Variants in IKBKE observed in about 807,000 individuals in gnomAD.
The protein encoded by IKBKE is inhibitor of nuclear factor kappa-B kinase subunit epsilon.
A neutral mutation model predicts 92.1 loss-of-function variants in IKBKE; 45 were observed. That is an observed-to-expected ratio of 0.49 (90% CI 0.38 to 0.63). The LOEUF is 0.63. IKBKE is among the 20% of genes least tolerant of loss of function. The pLI, the probability that IKBKE is intolerant of heterozygous loss-of-function variation, is 0.00. For synonymous variants in IKBKE, 374 were observed against 380.3 expected, an observed-to-expected ratio of 0.98 and a Z score of 0.19; for missense variants, 700 against 932.8, an observed-to-expected ratio of 0.75 and a Z score of 3.25.
rs1553388340 is a variant in IKBKE, at chr1:206,485,312, T to C, written c.1616+6T>C. The stretch of plus-strand genomic sequence containing the variant: ...CAGGTACATGAGGACAGAAGGTCTG[T>C]GGGATTTTCCTTCTTTGTGGGGTGG... On this transcript the variant is annotated splice_donor_region_variant and intron_variant, in intron 15 of 21. Transcript: ENST00000581977. The surrounding 1 kb of genome is among the most constrained non-coding windows in gnomAD (Gnocchi z 5.0). 3.8e-6 allele frequency: 6 copies of C among 1,582,742 alleles called. No homozygotes were observed. The highest frequency in any genetic ancestry group is 5.2e-6 in the Non-Finnish European group (6 of 1,151,462).
chr1:206,476,914 T>G lies in IKBKE; in HGVS notation c.701+76T>G. On this transcript the variant is annotated intron_variant, in intron 7 of 21. Transcript: ENST00000581977. The surrounding 1 kb of genome is among the most constrained non-coding windows in gnomAD (Gnocchi z 5.1). ...CCTTCCCCCACCGGTCCTTGCTGTG[T>G]CTTCTGGTCCCCTCACACTCCATGG... 2 of 1,534,686 alleles carry G rather than the reference T, an allele frequency of 1.3e-6. No homozygotes were observed. The highest frequency in any genetic ancestry group is 1.8e-6 in the Non-Finnish European group (2 of 1,116,026).
At chr1:206,489,369 G>A (rs868918091) in intron 16 of IKBKE, among the ~76,000 whole-genome samples, 19 of 119,208 alleles carry the variant, frequency 1.6e-4, no homozygotes, top group African/African-American at 5.9e-4. Context: ...GTGTGTGTGT[G>A]TATATATATA....
chr1:206,475,960 G>T (rs1019860933), intron 5 of IKBKE, among the ~76,000 whole-genome samples: 2 of 152,012 alleles, frequency 1.3e-5, no homozygotes, highest in Admixed American at 1.3e-4. Context: ...ACCCATCTTG[G>T]TTTCCTAGAG....
chr1:206,478,253 C>T lies in IKBKE; in HGVS notation c.906C>T (p.Thr302=), dbSNP rs41296042. 2.1e-3 allele frequency: 3,427 copies of T among 1,614,184 alleles called. 56 individuals are homozygous for T. In the African/African-American group the frequency reaches 0.04, roughly 19 times the overall value. The change falls in exon 9 of 22, where the codon ACC becomes ACT. Residue 302 remains threonine, a synonymous_variant. Coordinates refer to ENST00000581977, the MANE Select transcript of IKBKE (RefSeq NM_014002.4). The surrounding 1 kb of genome is among the most constrained non-coding windows in gnomAD (Gnocchi z 4.8). ...GCTTCGACCAGTTCTTTGCGGAGAC[C>T]AGTGACATCCTGCAGCGAGTTGTCG... ...CWGFDQFFAE[T]SDILQRVVVH...
At chr1:206,481,114 A>C (rs1165512053) in intron 13 of IKBKE, among the ~76,000 whole-genome samples, 1 of 152,200 alleles carries the variant, frequency 6.6e-6, no homozygotes, top group Non-Finnish European at 1.5e-5. Flanking sequence ...GGAGGAAGCC[A>C]AGTGGAAGGG....
chr1:206,471,305 G>C (rs1301098039), intron 2 of IKBKE, 60 bp downstream of exon 2: 1 of 152,390 alleles, frequency 6.6e-6, no homozygotes, highest in African/African-American at 2.4e-5. Flanking sequence ...AGGTGGGTGG[G>C]TGGTGTCTCA....
Position 206,487,080 on chromosome 1 carries a change from G to A in IKBKE, c.1617-834G>A, listed in dbSNP as rs1316992430. On this transcript the variant is annotated intron_variant, in intron 15 of 21. Transcript: ENST00000581977. The surrounding 1 kb of genome is among the most constrained non-coding windows in gnomAD (Gnocchi z 5.3). ...ATCTTCCACCCTCATGTTCCTGGCG[G>A]GGCAGGCTCCTTCGGCTGGCAGAGC... Among the ~76,000 whole-genome samples, 1 of 152,222 alleles carries A rather than the reference G, an allele frequency of 6.6e-6. No homozygotes were observed. Among genetic ancestry groups the A allele is most frequent in the Non-Finnish European group, 1.5e-5 (1 of 68,040 alleles).
At chr1:206,493,826 G>T in intron 20 of IKBKE, 94 bp from the exon 21 acceptor site, 1 of 875,270 alleles carries the variant, frequency 1.1e-6, no homozygotes, top group Non-Finnish European at 1.8e-6. Context: ...GGCTTCTTTG[G>T]TGGGGCTGCA....
chr1:206,475,600 G>A (rs1158632666), intron 5 of IKBKE, among the ~76,000 whole-genome samples: 3 of 152,110 alleles, frequency 2.0e-5, no homozygotes, highest in Non-Finnish European at 4.4e-5. Flanking sequence ...AGCTGGGTGT[G>A]GTGGTGCATG....
Position 206,479,130 on chromosome 1 carries a change from G to A in IKBKE, c.1180G>A (p.Asp394Asn), listed in dbSNP as rs1290190793. The change falls in exon 10 of 22, where the codon GAC becomes AAC. Residue 394 changes from aspartate (D) to asparagine (N), a missense_variant. Physicochemically the swap from Asp to Asn is conservative, Grantham distance 23. Transcript: ENST00000581977. ...CATCCCTAAGGGGCTGGCCTTCAGG[G>A]ACCGTGAGTAGAGCCACCTGGGCTG... ...TAIPKGLAFR[D>N]PALDVPKFVP... 1.9e-6 allele frequency: 3 copies of A among 1,592,758 alleles called. No individual in the cohort carries two copies. Among genetic ancestry groups the A allele is most frequent in the Non-Finnish European group, 1.7e-6 (2 of 1,169,234 alleles).
intron 3 of IKBKE, 66 bp downstream of exon 3, chr1:206,473,380 G>T (rs1664882676): frequency 1.7e-6 from 2 of 1,174,982 alleles, no homozygotes; most frequent in Non-Finnish European, 2.5e-6. Flanking sequence ...TCAGAAGCTG[G>T]CCCAGTCAGC....
Position 206,490,924 on chromosome 1 carries a change from C to T in IKBKE, c.1733+66C>T. 6.2e-6 allele frequency: 9 copies of T among 1,442,624 alleles called. No individual in the cohort carries two copies. Among genetic ancestry groups the T allele is most frequent in the Middle Eastern group, 1.9e-4 (1 of 5,286 alleles). The allele number at this position is 1,442,624 out of a possible 1,614,324, so 89.4% of individuals were successfully genotyped here. A position where few individuals can be genotyped will look rare whatever the true frequency, so the allele number is the denominator to read the frequency against. ...TGGGTGTCCTCAGGGCAGAGCGATT[C>T]TCAACGCCAGAGGAGAGGCAGTGAA... On this transcript the variant is annotated intron_variant, in intron 17 of 21. Transcript: ENST00000581977. The surrounding 1 kb of genome is among the most constrained non-coding windows in gnomAD (Gnocchi z 5.2).
intron 16 of IKBKE, among the ~76,000 whole-genome samples, chr1:206,488,588 G>T (rs1665784166): frequency 6.6e-6 from 1 of 152,130 alleles, no homozygotes; most frequent in Non-Finnish European, 1.5e-5. Context: ...GACCCAGGGA[G>T]GGCTGGTGAG....
chr1:206,479,946 C>A lies in IKBKE; in HGVS notation c.1248+12C>A, dbSNP rs554627636. ...ACAACACTGCCAAGGTGAGGGGCAA[C>A]CCCCAGGTGGCAGGGAGGGGCATGA... On this transcript the variant is annotated intron_variant, in intron 11 of 21. Coordinates refer to ENST00000581977, the MANE Select transcript of IKBKE (RefSeq NM_014002.4). The A allele has an allele frequency of 1.9e-6, 3 of 1,613,636 alleles. No individual in the cohort carries two copies. The highest frequency in any genetic ancestry group is 2.2e-5 in the East Asian group (1 of 44,822).
chr1:206,477,145 A>C (rs1665111411), intron 7 of IKBKE, among the ~76,000 whole-genome samples: 1 of 152,196 alleles, frequency 6.6e-6, no homozygotes, highest in Non-Finnish European at 1.5e-5. Context: ...CTAAGGTGGA[A>C]GAGCTCACCA....
chr1:206,475,155 A>G, intron 5 of IKBKE, 161 bp downstream of exon 5: 1 of 711,994 alleles, frequency 1.4e-6, no homozygotes, highest in Non-Finnish European at 2.2e-6. Context: ...TCACAGCAGC[A>G]TTATTTACAA....
In IKBKE at chr1:206,493,387, TG is replaced by T; in HGVS notation, c.2045+13del. On this transcript the variant is annotated intron_variant, in intron 20 of 21. Coordinates refer to ENST00000581977, the MANE Select transcript of IKBKE (RefSeq NM_014002.4). ...AAGGACCTGCTTCTCCAGTAAGTGC[TG>T]GGGAGAAAGCGGTTGTGTATCTGTG... The T allele has an allele frequency of 1.9e-6, 3 of 1,598,602 alleles. No individual in the cohort carries two copies. Among genetic ancestry groups the T allele is most frequent in the Non-Finnish European group, 2.6e-6 (3 of 1,166,124 alleles).
chr1:206,488,269 G>A (rs577271157), intron 16 of IKBKE, among the ~76,000 whole-genome samples: 1 of 152,366 alleles, frequency 6.6e-6, no homozygotes, highest in Non-Finnish European at 1.5e-5. Flanking sequence ...ATGGTTGGGG[G>A]ATCCAGTGGG....
chr1:206,483,586 C>T (rs1367544907), intron 13 of IKBKE, among the ~76,000 whole-genome samples: 1 of 152,172 alleles, frequency 6.6e-6, no homozygotes, highest in Admixed American at 6.5e-5. Flanking sequence ...ATTCCCAAGC[C>T]AAAATACACA....
Sources: allele counts gnomAD v4.1 joint callset (sites outside exome capture counted in the v4.1 genomes callset), GRCh38; gene constraint gnomAD v4.1.1; non-coding constraint Gnocchi (gnomAD v3.1); transcripts MANE v1.5; gene names NCBI Gene and HGNC (gene_info 2026-07-23, HGNC 2026-07-21).